Variants in ZSCAN32 observed in about 807,000 individuals in gnomAD.
ZSCAN32 encodes the protein zinc finger and SCAN domain-containing protein 32.
Under a neutral mutation model 47.4 loss-of-function variants are expected in ZSCAN32, and 52 were observed. The observed-to-expected ratio is 1.10, with a 90% CI of 0.88 to 1.38. The LOEUF is 1.38. Among genes scored for constraint, ZSCAN32 ranks in the 40% most tolerant of loss-of-function variants. The pLI, the probability that ZSCAN32 is intolerant of heterozygous loss-of-function variation, is 0.00. For missense variants in ZSCAN32, 959 were observed against 846.0 expected, an observed-to-expected ratio of 1.13 and a Z score of -1.66; for synonymous variants, 346 against 305.7, an observed-to-expected ratio of 1.13 and a Z score of -1.38.
intron 6 of ZSCAN32, chr16:3,383,927 CCTAT>C (rs2031597589): frequency 3.5e-6 from 2 of 568,874 alleles, no homozygotes; most frequent in Admixed American, 7.3e-5. Flanking sequence ...CAACTTTTCT[CCTAT>C]CTTTTTTCGG....
chr16:3,397,501 T>C lies in ZSCAN32; in HGVS notation c.57A>G (p.Thr19=). The C allele has an allele frequency of 6.5e-7, 1 of 1,550,300 alleles. No homozygotes were observed. Among genetic ancestry groups the C allele is most frequent in the Non-Finnish European group, 8.7e-7 (1 of 1,146,772 alleles). ...EAHPSSNKDP[T]QGQKSALQGN... ...CCTGGAGGGCTGATTTCTGGCCCTG[T>C]GTGGGATCCTTGTTTGAGGATGGGT... The change falls in exon 2 of 7, where the codon ACA becomes ACG. Residue 19 remains threonine (T), a synonymous_variant. Coordinates refer to ENST00000396852, the MANE Select transcript of ZSCAN32 (RefSeq NM_001284527.2).
In ZSCAN32 at chr16:3,397,644, TCTC is replaced by T. The variant is rs1436365919; in HGVS notation, c.-90_-88del. 1.4e-6 allele frequency: 2 copies of T among 1,425,806 alleles called. No individual in the cohort carries two copies. Among genetic ancestry groups the T allele is most frequent in the Admixed American group, 5.6e-5 (2 of 35,618 alleles). The allele number at this position is 1,425,806 out of a possible 1,614,324, so 88.3% of individuals were successfully genotyped here. ...TTCCCACATCACTGGGAAGCCATGT[TCTC>T]CTGCAAGGAATGTCTTTCTGTAATC... On this transcript the variant is annotated 5_prime_UTR_variant, in exon 2 of 7. Transcript: ENST00000396852.
intron 5 of ZSCAN32, among the ~76,000 whole-genome samples, chr16:3,389,568 C>T (rs1025310212): frequency 2.6e-5 from 4 of 152,166 alleles, no homozygotes; most frequent in African/African-American, 9.7e-5. Context: ...TGGTTCCTCC[C>T]GGAAGGCCTG....
Position 3,384,332 on chromosome 16 carries a change from G to A in ZSCAN32, c.1234+127C>T, listed in dbSNP as rs1596443626. On this transcript the variant is annotated intron_variant, in intron 6 of 6. Transcript: ENST00000396852. ...TTTAACTCCATGAAAACCAAAACTT[G>A]GATAGGGTCACACATCAAGATGATG... 6.5e-6 allele frequency: 9 copies of A among 1,376,794 alleles called. No individual in the cohort carries two copies. The East Asian group carries it at 2.1e-4, about 32-fold the overall frequency. The allele number at this position is 1,376,794 out of a possible 1,614,324, so 85.3% of individuals were successfully genotyped here. A position where few individuals can be genotyped will look rare whatever the true frequency, so the allele number is the denominator to read the frequency against.
intron 5 of ZSCAN32, among the ~76,000 whole-genome samples, chr16:3,386,752 G>C (rs923904044): frequency 6.6e-6 from 1 of 152,100 alleles, no homozygotes; most frequent in Admixed American, 6.6e-5. Context: ...GAGAACACAT[G>C]GACACAGGTA....
intron 5 of ZSCAN32, among the ~76,000 whole-genome samples, chr16:3,388,837 G>C (rs1350270533): frequency 7.2e-5 from 11 of 152,140 alleles, no homozygotes; most frequent in Non-Finnish European, 1.2e-4. Context: ...TCTGCAAAGG[G>C]CTTGCAGGGG....
intron 6 of ZSCAN32, 85 bp downstream of exon 6, chr16:3,384,374 T>C: frequency 6.5e-7 from 1 of 1,550,006 alleles, no homozygotes; most frequent in Non-Finnish European, 8.8e-7. Context: ...CCAGGATCAG[T>C]GACAGCTCCT....
Position 3,393,774 on chromosome 16 carries a change from T to C in ZSCAN32, c.407A>G (p.Glu136Gly). The change falls in exon 3 of 7, where the codon GAG (glutamate) becomes GGG (glycine). Residue 136 changes from glutamate (E) to glycine (G), a missense_variant. Transcript: ENST00000396852. Reference sequence around the variant, plus strand: ...TCTGGTTGCTCCCAAAGGGGCCATCTCCTTCATGAGTACTTTCAAGTCCTT... The same window carrying C: ...TCTGGTTGCTCCCAAAGGGGCCATCCCCTTCATGAGTACTTTCAAGTCCTT... ...SEKDLKVLMKEMAPLGATRES... is the reference protein window; with the variant it reads ...SEKDLKVLMKGMAPLGATRES... 6.5e-7 allele frequency: 1 copy of C among 1,550,220 alleles called. No individual in the cohort carries two copies. The highest frequency in any genetic ancestry group is 8.7e-7 in the Non-Finnish European group (1 of 1,146,762).
chr16:3,383,072 C>A lies in ZSCAN32; in HGVS notation c.1874G>T (p.Arg625Leu). 6.2e-7 allele frequency: 1 copy of A among 1,614,084 alleles called. No individual in the cohort carries two copies. ...NNSSQFSAHR[R>L]IHTGESPYKC... ...GTATGGGCTCTCCCCAGTGTGGATG[C>A]GCCGGTGAGCACTGAACTGGGAACT... is the stretch of plus-strand genomic sequence containing the variant. The change falls in exon 7 of 7, where the codon CGC (arginine) becomes CTC (leucine). Residue 625 changes from arginine (R) to leucine (L), a missense_variant. By Grantham distance (102) the Arg-to-Leu change is moderately radical. Coordinates refer to ENST00000396852, the MANE Select transcript of ZSCAN32 (RefSeq NM_001284527.2).
intron 1 of ZSCAN32, among the ~76,000 whole-genome samples, chr16:3,398,414 C>T (rs983991203): frequency 6.6e-6 from 1 of 152,180 alleles, no homozygotes; most frequent in Non-Finnish European, 1.5e-5. Context: ...CAACTGCGTG[C>T]CAAAGCCCTA....
rs1567319551 is a variant in ZSCAN32, at chr16:3,393,216, A to ATAAATAAATATATATT, written c.532+432_532+433insAATATATATTTATTTA. Among the ~76,000 whole-genome samples, 7 of 25,656 alleles carry ATAAATAAATATATATT rather than the reference A, an allele frequency of 2.7e-4. 2 individuals are homozygous for ATAAATAAATATATATT. Among genetic ancestry groups the ATAAATAAATATATATT allele is most frequent in the African/African-American group, 2.4e-3 (7 of 2,930 alleles). 16.8% of individuals were successfully genotyped at this position (25,656 alleles called of 152,430 possible). ...TATATATATATTTATATTTATATAT[A>ATAAATAAATATATATT]TATATATATATAAATTTATATATTT... On this transcript the variant is annotated intron_variant, in intron 3 of 6. Transcript: ENST00000396852.
In ZSCAN32 at chr16:3,383,731, C is replaced by G; in HGVS notation, c.1235-20G>C. 6.4e-7 allele frequency: 1 copy of G among 1,558,822 alleles called. No individual in the cohort carries two copies. The highest frequency in any genetic ancestry group is 8.6e-7 in the Non-Finnish European group (1 of 1,165,110). ...CAAAACCTGAAAAAAAAAAACCCCACAGAAATACAATGGACTATAGAGAAG... is the reference window on the plus strand; with the variant it reads ...CAAAACCTGAAAAAAAAAAACCCCAGAGAAATACAATGGACTATAGAGAAG... On this transcript the variant is annotated intron_variant, in intron 6 of 6. Transcript: ENST00000396852.
At chr16:3,398,378 C>A (rs541049265) in intron 1 of ZSCAN32, among the ~76,000 whole-genome samples, 1 of 152,294 alleles carries the variant, frequency 6.6e-6, no homozygotes, top group South Asian at 2.1e-4. Context: ...GCATCCCCAA[C>A]CAGTCAGCAT....
chr16:3,386,646 A>G (rs1016507965), intron 5 of ZSCAN32, among the ~76,000 whole-genome samples: 2 of 152,222 alleles, frequency 1.3e-5, no homozygotes, highest in African/African-American at 2.4e-5. Flanking sequence ...TTGTAGGGAC[A>G]TGGATGAAGC....
In ZSCAN32 at chr16:3,390,568, A is replaced by G. The variant is rs998463513; in HGVS notation, c.533-51T>C. ...GAGGGCGGCTTCCACACAACAGCAC[A>G]GAGCAGAAGCTCTCAAAGTGGGCTC... On this transcript the variant is annotated intron_variant, in intron 3 of 6. Transcript: ENST00000396852. 1.9e-5 allele frequency: 28 copies of G among 1,435,980 alleles called. No individual in the cohort carries two copies. The African/African-American group carries it at 3.7e-4, about 19-fold the overall frequency. 89.0% of individuals were successfully genotyped at this position (1,435,980 alleles called of 1,614,324 possible).
At position 3,382,994 on chromosome 16, in the gene ZSCAN32, T is replaced by G. The variant is rs762040975; in HGVS notation, c.1952A>C (p.His651Pro). 1 of 1,614,112 alleles carries G rather than the reference T, an allele frequency of 6.2e-7. No individual in the cohort carries two copies. The highest frequency in any genetic ancestry group is 1.7e-5 in the Admixed American group (1 of 60,012). ...IFNNSSHFSAHRKTHTGEKPY... is the reference protein window; with the variant it reads ...IFNNSSHFSAPRKTHTGEKPY... The stretch of plus-strand genomic sequence containing the variant: ...CTTTTCACCAGTGTGGGTTTTTCGG[T>G]GGGCACTGAAGTGGGAGCTATTGTT... The change falls in exon 7 of 7, where the codon CAC becomes CCC. Residue 651 changes from histidine (H) to proline (P), a missense_variant. His to Pro is a moderately conservative substitution (Grantham distance 77). Transcript: ENST00000396852.
chr16:3,394,803 C>T (rs2033211020), intron 2 of ZSCAN32, among the ~76,000 whole-genome samples: 1 of 152,164 alleles, frequency 6.6e-6, no homozygotes, highest in Non-Finnish European at 1.5e-5. Context: ...CTCAAACCCG[C>T]CCAGTCTTTT....
rs769883989 is a variant in ZSCAN32 at position 3,383,123 on chromosome 16, A to G, written c.1823T>C (p.Ile608Thr). The G allele has an allele frequency of 2.5e-6, 4 of 1,614,052 alleles. No homozygotes were observed. The highest frequency in any genetic ancestry group is 3.3e-5 in the Admixed American group (2 of 59,998). The change falls in exon 7 of 7, where the codon ATT becomes ACT. Residue 608 changes from isoleucine to threonine, a missense_variant. By Grantham distance (89) the Ile-to-Thr change is moderately conservative (BLOSUM62 -1). Transcript: ENST00000396852. ...GTTGTTGAATCTCTTTCCACAGACAATGCACTGGTAAGGCTTTTCCCCGGT... is the reference window on the plus strand; with the variant it reads ...GTTGTTGAATCTCTTTCCACAGACAGTGCACTGGTAAGGCTTTTCCCCGGT... ...THTGEKPYQC[I>T]VCGKRFNNSS...
In ZSCAN32 at chr16:3,390,075, G is replaced by A. The variant is rs1436151132; in HGVS notation, c.686C>T (p.Pro229Leu). Residue 229 changes from proline (P) to leucine (L), a missense_variant, in exon 5 of 7, where the codon CCA becomes CTA. Pro to Leu is a moderately conservative substitution (Grantham distance 98). Transcript: ENST00000396852. ...VSLCQQEWMCPGPAQRALYRG... is the reference protein window; with the variant it reads ...VSLCQQEWMCLGPAQRALYRG... ...GTAGAGGGCCCTTTGTGCAGGGCCT[G>A]GGCACATCCATTCTTGCTGACAGAG... 4.3e-6 allele frequency: 7 copies of A among 1,613,876 alleles called. No individual in the cohort carries two copies. In the Admixed American group the frequency reaches 1.2e-4, roughly 27 times the overall value.
Sources: allele counts gnomAD v4.1 joint callset (sites outside exome capture counted in the v4.1 genomes callset), GRCh38; gene constraint gnomAD v4.1.1; transcripts MANE v1.5; gene names NCBI Gene and HGNC (gene_info 2026-07-23, HGNC 2026-07-21).